The following ATP2C1 variants were observed in gnomAD, a reference collection of about 807,000 sequenced individuals.
The protein encoded by ATP2C1 is calcium-transporting ATPase type 2C member 1.
A neutral mutation model predicts 120.5 loss-of-function variants in ATP2C1; 31 were observed. The observed-to-expected ratio is 0.26, with a 90% CI of 0.19 to 0.35. The LOEUF (loss-of-function observed/expected upper bound fraction) is 0.35, where lower values mean the gene tolerates loss of function less well. Ranked by LOEUF, ATP2C1 falls within the 10% of genes least tolerant of loss-of-function variation. The pLI is 1.00. For missense variants in ATP2C1, 731 were observed against 1,107.5 expected (o/e 0.66, Z 4.83); for synonymous variants, 351 against 358.7 (o/e 0.98, Z 0.24).
At position 130,894,487 on chromosome 3, in the gene ATP2C1, C is replaced by T; in HGVS notation, c.-180-103C>T. The T allele has an allele frequency of 7.3e-7, 1 of 1,370,864 alleles. No individual in the cohort carries two copies. Among genetic ancestry groups the T allele is most frequent in the Admixed American group, 3.1e-5 (1 of 32,660 alleles). 84.9% of individuals were successfully genotyped at this position (1,370,864 alleles called of 1,614,324 possible). A position where few individuals can be genotyped will look rare whatever the true frequency, so the allele number is the denominator to read the frequency against. On this transcript the variant is annotated intron_variant, in intron 1 of 27. Transcript: ENST00000510168. The surrounding 1 kb of genome is among the most constrained non-coding windows in gnomAD (Gnocchi z 4.5). ...GGGACGTTGCGGGCACACGACGGGG[C>T]GGGTGCGGGATCTTGGGGAGGGGGG...
intron 12 of ATP2C1, among the ~76,000 whole-genome samples, chr3:130,960,478 A>G (rs1432979061): frequency 1.3e-5 from 2 of 152,134 alleles, no homozygotes; most frequent in African/African-American, 4.8e-5. Flanking sequence ...CACTTGAGAA[A>G]CTCAAAGCTA....
intron 26 of ATP2C1, among the ~76,000 whole-genome samples, chr3:131,012,418 C>T (rs554872842): frequency 9.9e-5 from 15 of 151,808 alleles, no homozygotes; most frequent in Admixed American, 3.9e-4. Context: ...CCATGATGCC[C>T]GGCTAATTTT....
At chr3:130,931,808 C>T (rs2059460390) in intron 3 of ATP2C1, among the ~76,000 whole-genome samples, 1 of 152,168 alleles carries the variant, frequency 6.6e-6, no homozygotes, top group South Asian at 2.1e-4. Context: ...TTTATCACTC[C>T]AGAAAGCTCC....
intron 13 of ATP2C1, among the ~76,000 whole-genome samples, 170 bp downstream of exon 13, chr3:130,964,265 T>C (rs2060954208): frequency 6.6e-6 from 1 of 152,058 alleles, no homozygotes; most frequent in African/African-American, 2.4e-5. Flanking sequence ...AAAATTCCTA[T>C]CCCTTAGGTG....
chr3:131,016,580 G>A (rs1000776319), exon 27 of ATP2C1: 2 of 533,092 alleles, frequency 3.8e-6, no homozygotes, highest in Non-Finnish European at 6.6e-6. Context: ...CCTGAAATAA[G>A]ATCTTTTCCA....
chr3:130,893,879 C>T (rs945252689), upstream of ATP2C1: 33 of 976,214 alleles, frequency 3.4e-5, no homozygotes, highest in Non-Finnish European at 3.9e-5. Flanking sequence ...GGATCCAAAC[C>T]CAAACATTGT....
intron 2 of ATP2C1, among the ~76,000 whole-genome samples, chr3:130,904,810 C>T (rs866486840): frequency 2.5e-4 from 38 of 152,124 alleles, no homozygotes; most frequent in Non-Finnish European, 8.8e-5. Context: ...CTCATTCTTA[C>T]TATATTTGGA....
At chr3:130,922,428 A>G (rs1312557224) in intron 2 of ATP2C1, among the ~76,000 whole-genome samples, 3 of 151,164 alleles carry the variant, frequency 2.0e-5, no homozygotes, top group African/African-American at 4.9e-5. Flanking sequence ...TGTTTCATTT[A>G]TTTTTTGTAA....
intron 25 of ATP2C1, 107 bp downstream of exon 25, chr3:130,997,860 CT>C: frequency 1.7e-6 from 2 of 1,151,858 alleles, no homozygotes; most frequent in Non-Finnish European, 2.5e-6. Context: ...TAAGGGAGCT[CT>C]TTTAGTGAAA....
At chr3:130,871,676 T>G (rs949019396) in intron 1 of ATP2C1, among the ~76,000 whole-genome samples, 15 of 152,234 alleles carry the variant, frequency 9.9e-5, no homozygotes, top group African/African-American at 3.1e-4. Context: ...AGGTTCTTAA[T>G]TGACCATTTT....
chr3:131,008,423 CA>C (rs747486056), intron 26 of ATP2C1, among the ~76,000 whole-genome samples: 17,253 of 86,876 alleles, frequency 0.2, 1,117 homozygotes, highest in East Asian at 0.26. Context: ...AAGACTGTCT[CA>C]AAAAAAAAAA....
At chr3:130,961,333 T>C (rs2060811041) in intron 12 of ATP2C1, among the ~76,000 whole-genome samples, 1 of 151,878 alleles carries the variant, frequency 6.6e-6, no homozygotes. Context: ...AAGGACAAGA[T>C]ACTTAAAAAT....
intron 6 of ATP2C1, among the ~76,000 whole-genome samples, chr3:130,939,229 T>TA (rs1468245305): frequency 1.3e-5 from 2 of 152,202 alleles, no homozygotes; most frequent in Non-Finnish European, 2.9e-5. Flanking sequence ...CAAAAATGTA[T>TA]AAAAAATTCT....
intron 1 of ATP2C1, among the ~76,000 whole-genome samples, chr3:130,866,330 A>C (rs1211076984): frequency 2.6e-5 from 4 of 152,206 alleles, no homozygotes; most frequent in Admixed American, 1.3e-4. Context: ...ATATACTTGA[A>C]ATTTTTAGAG....
At chr3:130,953,738 G>A in intron 8 of ATP2C1, 83 bp from the exon 9 acceptor site, 1 of 1,427,554 alleles carries the variant, frequency 7.0e-7, no homozygotes, top group Admixed American at 1.7e-5. Flanking sequence ...GGATGTTTGA[G>A]GAAGAAGTGA....
In ATP2C1 at chr3:130,864,684, C is replaced by T. The variant is rs576764512; in HGVS notation, c.108+13756C>T. On this transcript the variant is annotated intron_variant, in intron 1 of 26. Coordinates refer to the ATP2C1 transcript ENST00000504381. Reference sequence around the variant, plus strand: ...GCCATGGCTGAAAGGGGCCAATGTACAGCTCAGGCTATGGCTTCAGAGGGT... The same window carrying T: ...GCCATGGCTGAAAGGGGCCAATGTATAGCTCAGGCTATGGCTTCAGAGGGT... Among the ~76,000 whole-genome samples, 28 of 152,332 alleles carry T rather than the reference C, an allele frequency of 1.8e-4. No homozygotes were observed. The South Asian group carries it at 5.0e-3, about 27-fold the overall frequency.
chr3:131,011,611 G>A (rs1017221735), intron 26 of ATP2C1, among the ~76,000 whole-genome samples: 2 of 152,152 alleles, frequency 1.3e-5, no homozygotes, highest in Non-Finnish European at 2.9e-5. Context: ...ATTCTTTAAA[G>A]CCAGGTCAAA....
chr3:130,886,260 A>G (rs973498245), intron 1 of ATP2C1, among the ~76,000 whole-genome samples: 3 of 151,682 alleles, frequency 2.0e-5, no homozygotes, highest in African/African-American at 7.3e-5. Flanking sequence ...TGCTTTTAGG[A>G]TCCTTTCTTT....
At chr3:131,003,466 T>A (rs2062984516), downstream of ATP2C1, among the ~76,000 whole-genome samples, 1 of 152,214 alleles carries the variant, frequency 6.6e-6, no homozygotes, top group Non-Finnish European at 1.5e-5. Context: ...CTTATGGAGT[T>A]ATTTGGCCCC....
Sources: allele counts gnomAD v4.1 joint callset (sites outside exome capture counted in the v4.1 genomes callset), GRCh38; gene constraint gnomAD v4.1.1; non-coding constraint Gnocchi (gnomAD v3.1); transcripts MANE v1.5; gene names NCBI Gene and HGNC (gene_info 2026-07-23, HGNC 2026-07-21).